LUZP1: variants seen among roughly 807,000 people sequenced by gnomAD.
LUZP1 encodes the protein filamin mechanobinding actin cross-linking protein.
A neutral mutation model predicts 71.3 loss-of-function variants in LUZP1; 25 were observed. That is an observed-to-expected ratio of 0.35 (90% confidence interval 0.26 to 0.49). The LOEUF (loss-of-function observed/expected upper bound fraction) is 0.49, where lower values mean the gene tolerates loss of function less well. LUZP1 is among the 20% of genes least tolerant of loss of function. The probability of loss-of-function intolerance (pLI) is 0.99; values close to 1 mark genes in which losing one functional copy is unlikely to be tolerated. For missense variants in LUZP1, 1,142 were observed against 1,300.8 expected (o/e 0.88, Z 1.88); for synonymous variants, 481 against 506.4 (o/e 0.95, Z 0.67).
intron 1 of LUZP1, among the ~76,000 whole-genome samples, chr1:23,173,861 T>G (rs1454068740): frequency 6.6e-6 from 1 of 152,154 alleles, no homozygotes; most frequent in Admixed American, 6.6e-5. Context: ...GATTTTCACT[T>G]TCTCCCCTGA....
chr1:23,091,979 A>C, exon 4 of LUZP1: 2 of 1,614,074 alleles, frequency 1.2e-6, no homozygotes, highest in Non-Finnish European at 1.7e-6. Flanking sequence ...CATCCTTATC[A>C]ACAATAACAG....
chr1:23,157,844 C>CA (rs59173298), intron 2 of LUZP1, among the ~76,000 whole-genome samples: 51,385 of 145,896 alleles, frequency 0.35, 9,435 homozygotes, highest in South Asian at 0.49. Flanking sequence ...TTGCCCCTAC[C>CA]AAAAAAAAAA....
intron 2 of LUZP1, among the ~76,000 whole-genome samples, chr1:23,152,851 C>T (rs926246993): frequency 2.0e-4 from 31 of 152,064 alleles, no homozygotes; most frequent in Admixed American, 1.3e-4. Context: ...GTTTCATAAG[C>T]TTAAGAGCTA....
chr1:23,144,407 A>G (rs1030586324), intron 2 of LUZP1, among the ~76,000 whole-genome samples: 6 of 151,848 alleles, frequency 4.0e-5, no homozygotes, highest in Non-Finnish European at 8.8e-5. Context: ...AATGTCTCTA[A>G]ACGACTGCAA....
At chr1:23,092,034 G>A (rs776773672) in exon 4 of LUZP1, 2 of 1,613,990 alleles carry the variant, frequency 1.2e-6, no homozygotes, top group East Asian at 2.2e-5. Context: ...GGGGCTAAAG[G>A]GCCTTTGGCT....
chr1:23,123,076 A>G lies in LUZP1; in HGVS notation c.-225-13949T>C, dbSNP rs114026347. On this transcript the variant is annotated intron_variant, in intron 2 of 4. Transcript: ENST00000302291. Reference sequence around the variant, plus strand: ...AGAAGGAGCCTCACCTACCTAGAAGAATACAGCATAAGGACAAATGGTGTC... The same window carrying G: ...AGAAGGAGCCTCACCTACCTAGAAGGATACAGCATAAGGACAAATGGTGTC... Among the ~76,000 whole-genome samples, 389 of 152,380 alleles carry G rather than the reference A, an allele frequency of 2.6e-3. 2 individuals are homozygous for G. The highest frequency in any genetic ancestry group is 9.1e-3 in the African/African-American group (380 of 41,580).
chr1:23,145,076 G>A (rs368432596), intron 2 of LUZP1, among the ~76,000 whole-genome samples: 2 of 151,900 alleles, frequency 1.3e-5, no homozygotes, highest in East Asian at 3.9e-4. Flanking sequence ...TTTGTATTTT[G>A]TGTGTTTGTA....
At chr1:23,146,574 G>A (rs1557680040) in intron 2 of LUZP1, among the ~76,000 whole-genome samples, 1 of 152,126 alleles carries the variant, frequency 6.6e-6, no homozygotes, top group Non-Finnish European at 1.5e-5. Context: ...AAGGTGGGAG[G>A]ATCACTTGAA....
intron 4 of LUZP1, chr1:23,090,745 C>T (rs1037611434): frequency 4.3e-5 from 28 of 652,864 alleles, no homozygotes; most frequent in Admixed American, 1.5e-4. Context: ...CTAACTGAGG[C>T]GGCCGAGAAC....
intron 2 of LUZP1, among the ~76,000 whole-genome samples, chr1:23,117,300 A>AT (rs1644087259): frequency 6.6e-6 from 1 of 152,212 alleles, no homozygotes; most frequent in African/African-American, 2.4e-5. Context: ...CCACAACTGT[A>AT]TATAGAGATT....
At chr1:23,169,782 C>T (rs9426813) in intron 1 of LUZP1, among the ~76,000 whole-genome samples, 22,353 of 152,180 alleles carry the variant, frequency 0.15, 1,953 homozygotes, top group South Asian at 0.32. Flanking sequence ...AGACTGCTCT[C>T]GCTGCGGATG....
intron 2 of LUZP1, among the ~76,000 whole-genome samples, chr1:23,154,477 CTGCAG>C (rs1644406647): frequency 6.6e-6 from 1 of 152,146 alleles, no homozygotes; most frequent in Admixed American, 6.5e-5. Flanking sequence ...GAGATCAAGG[CTGCAG>C]TGAGTCATGA....
chr1:23,145,075 T>C (rs1243535148), intron 2 of LUZP1, among the ~76,000 whole-genome samples: 1 of 151,978 alleles, frequency 6.6e-6, no homozygotes, highest in East Asian at 1.9e-4. Context: ...TTTTGTATTT[T>C]GTGTGTTTGT....
chr1:23,138,487 G>C (rs1232228652), intron 2 of LUZP1, among the ~76,000 whole-genome samples: 1 of 152,020 alleles, frequency 6.6e-6, no homozygotes, highest in African/African-American at 2.4e-5. Flanking sequence ...GATTGCCAGG[G>C]GCTAGAATAG....
At chr1:23,134,195 A>G (rs1243376147) in intron 2 of LUZP1, among the ~76,000 whole-genome samples, 5 of 152,232 alleles carry the variant, frequency 3.3e-5, no homozygotes. Flanking sequence ...TAAAACAGAC[A>G]CAAGGCCAGG....
chr1:23,090,638 G>C, intron 4 of LUZP1: 1 of 563,826 alleles, frequency 1.8e-6, no homozygotes, highest in South Asian at 2.4e-5. Context: ...GCAAAAGAAA[G>C]TGTCACTTGG....
chr1:23,155,468 T>TA (rs1167635063), intron 2 of LUZP1, among the ~76,000 whole-genome samples: 2 of 152,324 alleles, frequency 1.3e-5, no homozygotes, highest in East Asian at 3.9e-4. Flanking sequence ...CTTAGGGACT[T>TA]AGTTTTTTCC....
chr1:23,115,246 C>T (rs1644068551), intron 2 of LUZP1, among the ~76,000 whole-genome samples: 1 of 152,108 alleles, frequency 6.6e-6, no homozygotes, highest in Admixed American at 6.6e-5. Flanking sequence ...GATGAGAAGG[C>T]AAATACTCTT....
At chr1:23,175,698 C>T (rs1644578090) in intron 1 of LUZP1, among the ~76,000 whole-genome samples, 1 of 152,196 alleles carries the variant, frequency 6.6e-6, no homozygotes, top group Non-Finnish European at 1.5e-5. Flanking sequence ...CCAGGCACTA[C>T]ACAGACTGTA....
Sources: allele counts gnomAD v4.1 joint callset (sites outside exome capture counted in the v4.1 genomes callset), GRCh38; gene constraint gnomAD v4.1.1; transcripts MANE v1.5; gene names NCBI Gene and HGNC (gene_info 2026-07-23, HGNC 2026-07-21).